ERICH6B: variants seen among roughly 807,000 people sequenced by gnomAD.
The protein encoded by ERICH6B is glutamate-rich protein 6B.
A neutral mutation model predicts 80.0 loss-of-function variants in ERICH6B; 69 were observed. The ratio of observed to expected loss-of-function variants is 0.86; its 90% CI spans 0.71 to 1.05. The LOEUF (loss-of-function observed/expected upper bound fraction) is 1.05, where lower values mean the gene tolerates loss of function less well. Among genes scored for constraint, ERICH6B ranks in the 50% least tolerant of loss-of-function variants. The pLI is 0.00. For synonymous variants in ERICH6B, 283 were observed against 291.9 expected, an observed-to-expected ratio of 0.97 and a Z score of 0.31; for missense variants, 754 against 796.1, an observed-to-expected ratio of 0.95 and a Z score of 0.64.
chr13:45,542,894 C>A lies in ERICH6B; in HGVS notation c.1873-1214G>T, dbSNP rs554779057. ...TGAAAGTCCCATGTCCCAGGAAACT[C>A]CTCAGTCCTGAGCAAACCGACGTGT... is the stretch of plus-strand genomic sequence containing the variant. On this transcript the variant is annotated intron_variant, in intron 14 of 14. Coordinates refer to ENST00000298738, the MANE Select transcript of ERICH6B (RefSeq NM_182542.3). Among the ~76,000 whole-genome samples, 5 of 152,360 alleles carry A rather than the reference C, an allele frequency of 3.3e-5. No individual in the cohort carries two copies. The South Asian group carries it at 1.0e-3, about 32-fold the overall frequency.
intron 3 of ERICH6B, among the ~76,000 whole-genome samples, chr13:45,592,731 G>A (rs1876206194): frequency 6.6e-6 from 1 of 152,158 alleles, no homozygotes; most frequent in South Asian, 2.1e-4. Context: ...ATTATGGGGT[G>A]GTTTCACTCT....
intron 2 of ERICH6B, among the ~76,000 whole-genome samples, chr13:45,606,067 A>C (rs2138034814): frequency 6.6e-6 from 1 of 152,294 alleles, no homozygotes; most frequent in East Asian, 1.9e-4. Context: ...TTTATAACTC[A>C]AGTTCTTAGG....
At chr13:45,565,484 G>C (rs966118178) in intron 9 of ERICH6B, among the ~76,000 whole-genome samples, 1 of 152,238 alleles carries the variant, frequency 6.6e-6, no homozygotes, top group Non-Finnish European at 1.5e-5. Context: ...TAGTTTGACT[G>C]TCTTGCCACC....
chr13:45,577,376 C>T (rs1030348737), intron 7 of ERICH6B, among the ~76,000 whole-genome samples: 2 of 150,404 alleles, frequency 1.3e-5, no homozygotes, highest in South Asian at 4.2e-4. Context: ...CTCCGCCTCC[C>T]GGGTTCAACC....
At chr13:45,610,689 C>T (rs1315685450) in intron 1 of ERICH6B, among the ~76,000 whole-genome samples, 2 of 152,142 alleles carry the variant, frequency 1.3e-5, no homozygotes, top group African/African-American at 2.4e-5. Flanking sequence ...GTACTGAATG[C>T]TGTAGGCAAT....
At chr13:45,612,645 C>T (rs902799770) in intron 1 of ERICH6B, among the ~76,000 whole-genome samples, 4 of 152,162 alleles carry the variant, frequency 2.6e-5, no homozygotes, top group African/African-American at 9.7e-5. Flanking sequence ...GCCTTTTCTC[C>T]TCCCTCCTAC....
chr13:45,594,374 G>T (rs908547086), intron 3 of ERICH6B, among the ~76,000 whole-genome samples: 1 of 152,122 alleles, frequency 6.6e-6, no homozygotes, highest in African/African-American at 2.4e-5. Flanking sequence ...CATTGTATTT[G>T]TCCTACTCTA....
chr13:45,580,389 A>C (rs1310975081), intron 6 of ERICH6B, among the ~76,000 whole-genome samples: 1 of 152,206 alleles, frequency 6.6e-6, no homozygotes, highest in Non-Finnish European at 1.5e-5. Context: ...AGCGCACTTA[A>C]CTTTCTGGTT....
At chr13:45,587,332 C>T in intron 4 of ERICH6B, 100 bp from the exon 5 acceptor site, 1 of 1,012,696 alleles carries the variant, frequency 9.9e-7, no homozygotes, top group Non-Finnish European at 1.4e-6. Flanking sequence ...TCTTGATGTC[C>T]AGACCCAGAT....
chr13:45,556,042 C>G (rs1158151923), intron 11 of ERICH6B, among the ~76,000 whole-genome samples: 1 of 150,660 alleles, frequency 6.6e-6, no homozygotes, highest in Non-Finnish European at 1.5e-5. Context: ...TCAAATGGTA[C>G]TTGTCCCAAA....
chr13:45,596,704 G>C lies in ERICH6B; in HGVS notation c.302C>G (p.Ala101Gly). The C allele has an allele frequency of 6.5e-7, 1 of 1,536,430 alleles. No homozygotes were observed. The highest frequency in any genetic ancestry group is 8.8e-7 in the Non-Finnish European group (1 of 1,142,090). ...HLEEEEYLEK[A>G]GYLEEEEYIE... ...ATACTCTTCCTCCTCCAGATACCCT[G>C]CCTTCTCCAGATACTCTTCCTCCTC... The change falls in exon 3 of 15, where the codon GCA becomes GGA. Residue 101 changes from alanine (A) to glycine (G), a missense_variant. Ala to Gly is a moderately conservative substitution (Grantham distance 60). Transcript: ENST00000298738.
At chr13:45,606,545 ATATTTTTTTT>A (rs1949866818) in intron 2 of ERICH6B, among the ~76,000 whole-genome samples, 3 of 12,776 alleles carry the variant, frequency 2.3e-4, no homozygotes, top group Admixed American at 1.4e-3. Flanking sequence ...ATATATATAT[ATATTTTTTTT>A]TTTTTTTTTT....
At chr13:45,548,573 A>AG (rs1219365858) in intron 13 of ERICH6B, among the ~76,000 whole-genome samples, 1 of 152,154 alleles carries the variant, frequency 6.6e-6, no homozygotes, top group Non-Finnish European at 1.5e-5. Flanking sequence ...TGCAGGGGTG[A>AG]GGGGTGCCGT....
At chr13:45,565,309 G>T (rs17066914) in intron 9 of ERICH6B, among the ~76,000 whole-genome samples, 17,019 of 152,132 alleles carry the variant, frequency 0.11, 2,783 homozygotes, top group African/African-American at 0.36. Context: ...AGGGCACCTT[G>T]TTTCACACAG....
intron 11 of ERICH6B, among the ~76,000 whole-genome samples, chr13:45,557,661 A>T (rs930419566): frequency 6.6e-6 from 1 of 152,190 alleles, no homozygotes; most frequent in Admixed American, 6.5e-5. Context: ...CTTGCCAATT[A>T]TCCCAGCACC....
intron 3 of ERICH6B, 71 bp downstream of exon 3, chr13:45,596,298 C>T (rs901937731): frequency 6.8e-7 from 1 of 1,468,106 alleles, no homozygotes; most frequent in Non-Finnish European, 9.0e-7. Context: ...AGATACTCTT[C>T]TTCATCCAAC....
chr13:45,542,089 G>A (rs1196616286), intron 14 of ERICH6B, among the ~76,000 whole-genome samples: 1 of 152,170 alleles, frequency 6.6e-6, no homozygotes, highest in Non-Finnish European at 1.5e-5. Flanking sequence ...TCCACCTTGG[G>A]CTCCTTGGGA....
At chr13:45,564,912 C>G (rs1048773418) in intron 9 of ERICH6B, among the ~76,000 whole-genome samples, 1 of 152,192 alleles carries the variant, frequency 6.6e-6, no homozygotes, top group Admixed American at 6.5e-5. Flanking sequence ...TTTTGCCCAC[C>G]TTTGCAAGCG....
chr13:45,562,459 G>T (rs1373258668), intron 10 of ERICH6B, among the ~76,000 whole-genome samples: 1 of 152,198 alleles, frequency 6.6e-6, no homozygotes, highest in East Asian at 1.9e-4. Flanking sequence ...AAGGACAACT[G>T]AAAAACAAGC....
Sources: gnomAD v4.1 joint callset for allele counts (sites outside exome capture counted in the v4.1 genomes callset) on GRCh38, gnomAD v4.1.1 for gene constraint, MANE v1.5 for transcripts, NCBI Gene and HGNC (gene_info 2026-07-23, HGNC 2026-07-21) for gene names.